IGSF10: variants seen among roughly 807,000 people sequenced by gnomAD.
IGSF10 encodes the protein immunoglobulin superfamily member 10.
Under a neutral mutation model 128.2 loss-of-function variants are expected in IGSF10, and 126 were observed. That is an observed-to-expected ratio of 0.98 (90% CI 0.85 to 1.14). The LOEUF is 1.14. IGSF10 is among the 50% of genes most tolerant of loss of function. The pLI is 0.00. For missense variants in IGSF10, 3,295 were observed against 3,149.8 expected (o/e 1.05, Z -1.10); for synonymous variants, 1,185 against 1,146.2 (o/e 1.03, Z -0.68).
chr3:151,443,356 C>T lies in IGSF10; in HGVS notation c.5591G>A (p.Cys1864Tyr), dbSNP rs2108543045. 4 of 1,614,124 alleles carry T rather than the reference C, an allele frequency of 2.5e-6. No homozygotes were observed. In the East Asian group the frequency reaches 8.9e-5, roughly 36 times the overall value. ...GTWGESLKLP[C>Y]TAKGTPQPSV... ...GGGCTGAGGAGTTCCTTTTGCAGTA[C>T]AGGGCAGTTTTAAACTTTCACCCCA... The change falls in exon 7 of 8, where the codon TGT (cysteine) becomes TAT (tyrosine). Residue 1864 changes from cysteine (C) to tyrosine (Y), a missense_variant. Cys to Tyr is a radical substitution (Grantham distance 194). Transcript: ENST00000282466.
chr3:151,612,367 T>C, the IGSF10 span, among the ~76,000 whole-genome samples: 4 of 152,220 alleles, frequency 2.6e-5, no homozygotes, highest in Non-Finnish European at 4.4e-5. Context: ...GGACGTCTCA[T>C]TGTGTGACAC....
rs150411177 is a variant in IGSF10 at position 151,452,886 on chromosome 3, A to T, written c.715+498T>A. On this transcript the variant is annotated intron_variant, in intron 5 of 7. Coordinates refer to ENST00000282466, the MANE Select transcript of IGSF10 (RefSeq NM_178822.5). ...GCAGTTTGCTGGCTGGCTGAGAACC[A>T]TCAAGCAGAAAAGGAAAGGAAGGGC... Among the ~76,000 whole-genome samples, 366 of 152,122 alleles carry T rather than the reference A, an allele frequency of 2.4e-3. 2 individuals are homozygous for T. The highest frequency in any genetic ancestry group is 4.4e-3 in the Non-Finnish European group (300 of 67,994).
In IGSF10 at chr3:151,458,468, C is replaced by T. The variant is rs1382221334; in HGVS notation, c.194+48G>A. ...TAGATGTTTGAGGGACAAGTCACTG[C>T]TGCGACTGATCCCTCTTTGAGAAGA... On this transcript the variant is annotated intron_variant, in intron 3 of 7. Transcript: ENST00000282466. 3.5e-6 allele frequency: 5 copies of T among 1,413,978 alleles called. No homozygotes were observed. In the African/African-American group the frequency reaches 5.7e-5, roughly 16 times the overall value. The allele number at this position is 1,413,978 out of a possible 1,614,324, so 87.6% of individuals were successfully genotyped here. A position where few individuals can be genotyped will look rare whatever the true frequency, so the allele number is the denominator to read the frequency against.
In IGSF10 at chr3:151,437,510, G is replaced by C. The variant is rs1313159041; in HGVS notation, c.7051C>G (p.Leu2351Val). 1 of 1,614,180 alleles carries C rather than the reference G, an allele frequency of 6.2e-7. No individual in the cohort carries two copies. The highest frequency in any genetic ancestry group is 8.5e-7 in the Non-Finnish European group (1 of 1,180,040). Residue 2351 changes from leucine (L) to valine (V), a missense_variant, in exon 8 of 8, where the codon CTG becomes GTG. Coordinates refer to ENST00000282466, the MANE Select transcript of IGSF10 (RefSeq NM_178822.5). ...NPFNEKIVAQLGKSTALNCSV... is the reference protein window; with the variant it reads ...NPFNEKIVAQVGKSTALNCSV... ...CAATTCAATGCTGTGGACTTTCCCA[G>C]CTGGGCAACTATTTTTTCATTAAAT...
the IGSF10 span, among the ~76,000 whole-genome samples, chr3:151,504,153 G>A: frequency 1.3e-5 from 2 of 152,152 alleles, no homozygotes; most frequent in East Asian, 1.9e-4. Context: ...TGGAAAAGGC[G>A]ATTACCACCT....
chr3:151,544,129 G>A, the IGSF10 span, among the ~76,000 whole-genome samples: 1 of 152,104 alleles, frequency 6.6e-6, no homozygotes. Flanking sequence ...GGCTGGTCTT[G>A]AACTCCTGAC....
the IGSF10 span, among the ~76,000 whole-genome samples, chr3:151,528,746 G>A: frequency 6.6e-6 from 1 of 151,784 alleles, no homozygotes; most frequent in Non-Finnish European, 1.5e-5. Context: ...AGGGCCATGG[G>A]TTTAAGCAAA....
At chr3:151,528,156 G>A in the IGSF10 span, among the ~76,000 whole-genome samples, 1 of 152,082 alleles carries the variant, frequency 6.6e-6, no homozygotes, top group East Asian at 1.9e-4. Context: ...GCATAAGAAA[G>A]CTCTTAATAA....
the IGSF10 span, among the ~76,000 whole-genome samples, chr3:151,477,533 T>TA: frequency 6.6e-6 from 1 of 152,220 alleles, no homozygotes. Flanking sequence ...AACAATGTTG[T>TA]AAAATATATT....
the IGSF10 span, among the ~76,000 whole-genome samples, chr3:151,546,927 C>T: frequency 1.3e-5 from 2 of 152,052 alleles, no homozygotes; most frequent in Non-Finnish European, 2.9e-5. Context: ...ACTGCCACCA[C>T]GCCCGGCTAA....
the IGSF10 span, among the ~76,000 whole-genome samples, chr3:151,534,047 T>C: frequency 2.6e-5 from 4 of 152,090 alleles, no homozygotes; most frequent in Admixed American, 2.0e-4. Context: ...TCAACAAACA[T>C]ATGAAAAAAA....
rs1299168971 is a variant in IGSF10, at chr3:151,443,438, C to T, written c.5509G>A (p.Val1837Ile). 1 of 1,614,206 alleles carries T rather than the reference C, an allele frequency of 6.2e-7. No individual in the cohort carries two copies. Among genetic ancestry groups the T allele is most frequent in the Admixed American group, 1.7e-5 (1 of 60,020 alleles). Reference protein sequence around the residue: ...GQDSLLVKIQVIAAPPVILEQ... With the variant: ...GQDSLLVKIQIIAAPPVILEQ... ...AGAATAACAGGTGGTGCTGCAATGA[C>T]TTGTATTTTAACCAGCAGTGAATCC... The change falls in exon 7 of 8, where the codon GTC becomes ATC. Residue 1837 changes from valine (V) to isoleucine (I), a missense_variant. Transcript: ENST00000282466.
chr3:151,460,733 G>GTGTT (rs1394911616), intron 1 of IGSF10, among the ~76,000 whole-genome samples: 9 of 142,876 alleles, frequency 6.3e-5, no homozygotes, highest in African/African-American at 2.3e-4. Flanking sequence ...CTCAGTGTGT[G>GTGTT]TTTTTTTTTT....
At chr3:151,486,223 AGGGCATTACATGAT>A in the IGSF10 span, among the ~76,000 whole-genome samples, 6 of 152,188 alleles carry the variant, frequency 3.9e-5, no homozygotes, top group Non-Finnish European at 8.8e-5. Context: ...GAGACAAAGA[AGGGCATTACATGAT>A]GGTAAAGGGA....
At chr3:151,511,404 C>A in the IGSF10 span, among the ~76,000 whole-genome samples, 1 of 152,138 alleles carries the variant, frequency 6.6e-6, no homozygotes, top group East Asian at 1.9e-4. Context: ...ACTTCACAGG[C>A]AAGCAAATGC....
chr3:151,568,670 T>C, the IGSF10 span, among the ~76,000 whole-genome samples: 1 of 152,148 alleles, frequency 6.6e-6, no homozygotes, highest in African/African-American at 2.4e-5. Flanking sequence ...TTAGTTTTAG[T>C]ATAGCAACAC....
chr3:151,535,739 A>T, the IGSF10 span, among the ~76,000 whole-genome samples: 7 of 152,208 alleles, frequency 4.6e-5, no homozygotes, highest in African/African-American at 1.7e-4. Context: ...TTATTTGCTT[A>T]CATGCCTCTA....
the IGSF10 span, among the ~76,000 whole-genome samples, chr3:151,539,706 AGTGATCCTTGATGATTATTCTTAGGCT>A: frequency 6.6e-6 from 1 of 152,140 alleles, no homozygotes; most frequent in African/African-American, 2.4e-5. Flanking sequence ...GATAGTGAAG[AGTGATCCTTGATGATTATTCTTAGGCT>A]GTAATCCTTT....
chr3:151,613,500 G>A, the IGSF10 span, among the ~76,000 whole-genome samples: 1 of 152,170 alleles, frequency 6.6e-6, no homozygotes, highest in African/African-American at 2.4e-5. Flanking sequence ...GAACAGAACA[G>A]AGCCCTGAGA....
Sources: allele counts gnomAD v4.1 joint callset (sites outside exome capture counted in the v4.1 genomes callset), GRCh38; gene constraint gnomAD v4.1.1; transcripts MANE v1.5; gene names NCBI Gene and HGNC (gene_info 2026-07-23, HGNC 2026-07-21).